The following PDIA6 variants were observed in gnomAD, a reference collection of about 807,000 sequenced individuals.
PDIA6 encodes protein disulfide isomerase family A member 6.
In PDIA6, 29 loss-of-function variants were observed where a neutral mutation model predicts 58.4. The observed-to-expected ratio is 0.50, with a 90% confidence interval of 0.37 to 0.68. The LOEUF is 0.68. PDIA6 is among the 30% of genes least tolerant of loss of function. The pLI is 0.00. For missense variants in PDIA6, 480 were observed against 551.0 expected (o/e 0.87, Z 1.29); for synonymous variants, 192 against 202.6 (o/e 0.95, Z 0.44).
At chr2:10,836,376 T>G (rs183731224), upstream of PDIA6, among the ~76,000 whole-genome samples, 1 of 152,152 alleles carries the variant, frequency 6.6e-6, no homozygotes, top group East Asian at 1.9e-4. Context: ...ATTTATTTAT[T>G]TATTTATGTA....
At chr2:10,796,679 G>C (rs1734342) in intron 4 of PDIA6, among the ~76,000 whole-genome samples, 74,173 of 151,886 alleles carry the variant, frequency 0.49, 19,648 homozygotes, top group Middle Eastern at 0.59. Flanking sequence ...CAGTTTAGGA[G>C]ACTAAGACTC....
Position 10,789,803 on chromosome 2 carries a change from C to T in PDIA6, c.786G>A (p.Val262=). The T allele has an allele frequency of 6.2e-7, 1 of 1,613,836 alleles. No homozygotes were observed. Among genetic ancestry groups the T allele is most frequent in the Non-Finnish European group, 8.5e-7 (1 of 1,179,898 alleles). The stretch of plus-strand genomic sequence containing the variant: ...CAGAAAACAAATCAAGGGCCCGGGA[C>T]ACGATGTCGGATCTTGTCCGCCCAC... The part of the protein sequence containing the change: ...YDGGRTRSDI[V]SRALDLFSDN... Residue 262 remains valine (V), a synonymous_variant, in exon 8 of 13, where the codon GTG becomes GTA. Transcript: ENST00000272227.
chr2:10,827,909 A>T (rs1241409817), intron 1 of PDIA6, among the ~76,000 whole-genome samples: 2 of 151,138 alleles, frequency 1.3e-5, no homozygotes, highest in African/African-American at 4.9e-5. Context: ...TTTTATTTTT[A>T]TTTTTTTAAT....
intron 1 of PDIA6, among the ~76,000 whole-genome samples, chr2:10,828,531 C>T (rs375172546): frequency 6.6e-6 from 1 of 152,304 alleles, no homozygotes; most frequent in African/African-American, 2.4e-5. Flanking sequence ...CCTCCTTGCA[C>T]CACCAGGGCC....
chr2:10,799,019 G>C (rs913569652), intron 2 of PDIA6, among the ~76,000 whole-genome samples: 1 of 147,368 alleles, frequency 6.8e-6, no homozygotes, highest in Non-Finnish European at 1.5e-5. Flanking sequence ...GAGGTGGGGG[G>C]AGGCAGGGAA....
At chr2:10,788,144 AGAG>A (rs370058675) in intron 10 of PDIA6, among the ~76,000 whole-genome samples, 12 of 152,214 alleles carry the variant, frequency 7.9e-5, no homozygotes, top group African/African-American at 2.4e-4. Flanking sequence ...TTAACTCAGA[AGAG>A]GAGAAGGAAA....
chr2:10,805,291 C>A, intron 1 of PDIA6, among the ~76,000 whole-genome samples: 1 of 126,532 alleles, frequency 7.9e-6, no homozygotes, highest in Non-Finnish European at 1.7e-5. Flanking sequence ...TTTATGCAGC[C>A]AAAAAACACA....
chr2:10,786,939 C>T (rs1359439985), intron 11 of PDIA6, among the ~76,000 whole-genome samples: 2 of 152,136 alleles, frequency 1.3e-5, no homozygotes, highest in African/African-American at 4.8e-5. Flanking sequence ...GATTACAATG[C>T]ATATGAGGGT....
intron 1 of PDIA6, among the ~76,000 whole-genome samples, chr2:10,809,740 T>C (rs1283700948): frequency 1.3e-5 from 2 of 149,070 alleles, no homozygotes; most frequent in Non-Finnish European, 3.0e-5. Flanking sequence ...TTTTGTAAAA[T>C]CGATATGAAT....
In PDIA6 at chr2:10,783,584, TG is replaced by T; in HGVS notation, c.*673del. On this transcript the variant is annotated 3_prime_UTR_variant, in exon 13 of 13. Coordinates refer to ENST00000272227, the MANE Select transcript of PDIA6 (RefSeq NM_005742.4). ...GGTTCATTAACAACATAGAAAGCCT[TG>T]AACTGTATAACCAGCTAGATTCCTT... 3.9e-6 allele frequency: 1 copy of T among 259,702 alleles called. No homozygotes were observed. The highest frequency in any genetic ancestry group is 1.1e-4 in the East Asian group (1 of 9,034). 16.1% of individuals were successfully genotyped at this position (259,702 alleles called of 1,614,324 possible). A position where few individuals can be genotyped will look rare whatever the true frequency, so the allele number is the denominator to read the frequency against.
chr2:10,787,720 G>A (rs1486192131), intron 10 of PDIA6, among the ~76,000 whole-genome samples: 9 of 152,130 alleles, frequency 5.9e-5, no homozygotes, highest in Admixed American at 4.6e-4. Flanking sequence ...AACAGGGGGC[G>A]CTAGGTACCT....
intron 1 of PDIA6, among the ~76,000 whole-genome samples, chr2:10,828,997 C>T (rs1339573650): frequency 1.3e-5 from 2 of 152,190 alleles, no homozygotes; most frequent in African/African-American, 4.8e-5. Context: ...TATCCCCCAC[C>T]CCGTCTTCAG....
chr2:10,790,882 C>T, intron 6 of PDIA6, 49 bp from the exon 7 acceptor site: 1 of 1,364,000 alleles, frequency 7.3e-7, no homozygotes, highest in Non-Finnish European at 1.0e-6. Context: ...CACAGTCTCT[C>T]TCTGTTGCCC....
chr2:10,812,570 C>T, intron 1 of PDIA6, 108 bp downstream of exon 1: 1 of 1,160,680 alleles, frequency 8.6e-7, no homozygotes, highest in Non-Finnish European at 1.1e-6. Flanking sequence ...CCCGCCAGGC[C>T]CACTTCCGGC....
chr2:10,826,521 G>A (rs1015145222), intron 1 of PDIA6, among the ~76,000 whole-genome samples: 88 of 152,110 alleles, frequency 5.8e-4, no homozygotes, highest in Admixed American at 1.6e-3. Flanking sequence ...CACCACACCC[G>A]GCTAATTTTT....
intron 12 of PDIA6, 78 bp from the exon 13 acceptor site, chr2:10,784,404 A>G (rs929043310): frequency 1.8e-6 from 2 of 1,118,078 alleles, no homozygotes; most frequent in Non-Finnish European, 2.6e-6. Context: ...TTTATGGAAG[A>G]GCGACTCTCT....
At chr2:10,816,828 G>A (rs1169807163), upstream of PDIA6, among the ~76,000 whole-genome samples, 1 of 152,162 alleles carries the variant, frequency 6.6e-6, no homozygotes, top group African/African-American at 2.4e-5. Flanking sequence ...TTTTGTTGGG[G>A]GCGGAGGGTG....
chr2:10,793,100 T>G lies in PDIA6; in HGVS notation c.449A>C (p.Lys150Thr), dbSNP rs777469088. 6.2e-7 allele frequency: 1 copy of G among 1,608,618 alleles called. No individual in the cohort carries two copies. Among genetic ancestry groups the G allele is most frequent in the Admixed American group, 1.7e-5 (1 of 60,016 alleles). Residue 150 changes from lysine to threonine, a missense_variant, in exon 5 of 13, where the codon AAA becomes ACA. Physicochemically the swap from Lys to Thr is moderately conservative, Grantham distance 78 (BLOSUM62 -1). Transcript: ENST00000272227. ...ACTGACATTTTATGGTCTTACTTGT[T>G]TTCCAGAACTGTATCCTCCGCTCCG... ...GGRSGGYSSG[K>T]QGRSDSSSKK...
At chr2:10,812,648 G>T in intron 1 of PDIA6, 30 bp downstream of exon 1, 6 of 1,516,622 alleles carry the variant, frequency 4.0e-6, no homozygotes, top group African/African-American at 1.4e-5. Flanking sequence ...ACCCCAGCTC[G>T]CCCGCCTCCC....
Sources: gnomAD v4.1 joint callset for allele counts (sites outside exome capture counted in the v4.1 genomes callset) on GRCh38, gnomAD v4.1.1 for gene constraint, MANE v1.5 for transcripts, NCBI Gene and HGNC (gene_info 2026-07-23, HGNC 2026-07-21) for gene names.